The following PTPRJ variants were observed in gnomAD, a reference collection of about 807,000 sequenced individuals.
PTPRJ encodes protein tyrosine phosphatase receptor type J, also known as receptor-type tyrosine-protein phosphatase eta.
PTPRJ carries 129 observed loss-of-function variants against 141.3 expected under a neutral mutation model. The observed-to-expected ratio is 0.91, with a 90% CI of 0.79 to 1.06. The LOEUF is 1.06. Ranked by LOEUF, PTPRJ falls within the 50% of genes least tolerant of loss-of-function variation. The probability of loss-of-function intolerance (pLI) is 0.00; values close to 1 mark genes in which losing one functional copy is unlikely to be tolerated. For synonymous variants in PTPRJ, 610 were observed against 640.5 expected (o/e 0.95, Z 0.72); for missense variants, 1,601 against 1,679.7 (o/e 0.95, Z 0.82).
intron 1 of PTPRJ, among the ~76,000 whole-genome samples, chr11:48,092,588 C>T (rs1855900191): frequency 6.6e-6 from 1 of 151,946 alleles, no homozygotes. Context: ...CGCTACCACA[C>T]CTGGCTAATT....
intron 1 of PTPRJ, among the ~76,000 whole-genome samples, chr11:48,052,354 C>T (rs1347985389): frequency 1.3e-5 from 2 of 152,216 alleles, no homozygotes; most frequent in Non-Finnish European, 1.5e-5. Flanking sequence ...GCCTCTCCCT[C>T]GTTAATCAAG....
At chr11:47,986,318 T>A (rs1440129273) in intron 1 of PTPRJ, among the ~76,000 whole-genome samples, 4 of 152,158 alleles carry the variant, frequency 2.6e-5, no homozygotes, top group African/African-American at 4.8e-5. Context: ...ACTCAGCAAG[T>A]CACTTAACCT....
chr11:48,088,240 C>T (rs983636552), intron 1 of PTPRJ, among the ~76,000 whole-genome samples: 2 of 152,166 alleles, frequency 1.3e-5, no homozygotes, highest in African/African-American at 4.8e-5. Flanking sequence ...TCCTTTACAA[C>T]GTTTTCTTCT....
intron 3 of PTPRJ, 60 bp downstream of exon 3, chr11:48,113,043 T>C (rs1405766892): frequency 7.2e-7 from 1 of 1,392,574 alleles, no homozygotes; most frequent in Non-Finnish European, 9.9e-7. Context: ...AATTTATAAA[T>C]GTCATGTTTT....
intron 24 of PTPRJ, among the ~76,000 whole-genome samples, chr11:48,164,785 C>T (rs1364650775): frequency 7.3e-5 from 11 of 151,654 alleles, no homozygotes; most frequent in African/African-American, 1.5e-4. Context: ...AGGCTGGTCT[C>T]GAACTCCTGA....
At chr11:48,134,475 C>A (rs1446264190) in intron 8 of PTPRJ, among the ~76,000 whole-genome samples, 2 of 152,082 alleles carry the variant, frequency 1.3e-5, no homozygotes, top group African/African-American at 4.8e-5. Context: ...CATCAGGAAT[C>A]TGCTGGTAGG....
intron 1 of PTPRJ, among the ~76,000 whole-genome samples, chr11:48,072,385 C>T (rs897782574): frequency 2.0e-5 from 3 of 152,112 alleles, no homozygotes; most frequent in African/African-American, 7.2e-5. Context: ...CCAACCCCAC[C>T]CATGAGGGTG....
chr11:47,983,308 C>G (rs1034398513), intron 1 of PTPRJ, among the ~76,000 whole-genome samples: 22 of 152,074 alleles, frequency 1.4e-4, no homozygotes, highest in African/African-American at 5.1e-4. Flanking sequence ...TGAGATATTT[C>G]TGAAGTTTGT....
In PTPRJ at chr11:48,143,037, C is replaced by T; in HGVS notation, c.2562C>T (p.Leu854=). The part of the protein sequence containing the change: ...HGPIKAYAVI[L]TTGEAGHPSA... ...CCATCAAAGCCTATGCTGTCATTCT[C>T]ACCACCGGGGAAGGTAAGGAGAGGC... Residue 854 remains leucine (L), a synonymous_variant, in exon 12 of 25, where the codon CTC becomes CTT. Coordinates refer to ENST00000418331, the MANE Select transcript of PTPRJ (RefSeq NM_002843.4). 1 of 1,614,106 alleles carries T rather than the reference C, an allele frequency of 6.2e-7. No individual in the cohort carries two copies. Among genetic ancestry groups the T allele is most frequent in the Non-Finnish European group, 8.5e-7 (1 of 1,179,986 alleles).
chr11:48,090,951 G>A (rs560162829), intron 1 of PTPRJ, among the ~76,000 whole-genome samples: 1 of 152,286 alleles, frequency 6.6e-6, no homozygotes, highest in South Asian at 2.1e-4. Flanking sequence ...CCACTCCAAA[G>A]GATGAGTATG....
Position 48,112,907 on chromosome 11 carries a change from C to T in PTPRJ, c.276C>T (p.Ala92=). The T allele has an allele frequency of 1.2e-6, 2 of 1,614,104 alleles. No individual in the cohort carries two copies. The highest frequency in any genetic ancestry group is 1.7e-6 in the Non-Finnish European group (2 of 1,180,016). Residue 92 remains alanine, a synonymous_variant, in exon 3 of 25, where the codon GCC becomes GCT. Coordinates refer to ENST00000418331, the MANE Select transcript of PTPRJ (RefSeq NM_002843.4). ...NTSEDGESSG[A]NDSLRTPEQG... is the part of the protein sequence containing the mutation. ...GTGAGGATGGTGAAAGCTCTGGAGC[C>T]AACGATAGTTTAAGAACACCTGAAC...
At position 48,168,399 on chromosome 11, in the gene PTPRJ, T is replaced by C. The variant is rs888533909; in HGVS notation, c.*1037T>C. The C allele has an allele frequency of 2.6e-5, 4 of 151,284 alleles. No homozygotes were observed. Among genetic ancestry groups the C allele is most frequent in the Non-Finnish European group, 5.9e-5 (4 of 67,808 alleles). The allele number at this position is 151,284 out of a possible 1,614,324, so 9.4% of individuals were successfully genotyped here. A position where few individuals can be genotyped will look rare whatever the true frequency, so the allele number is the denominator to read the frequency against. On this transcript the variant is annotated 3_prime_UTR_variant, in exon 25 of 25. Coordinates refer to ENST00000418331, the MANE Select transcript of PTPRJ (RefSeq NM_002843.4). ...GGCATTTTATGTGTCTGTGTCTGTA[T>C]GTGTGTGTGTATGTTCAGAAGCGTG...
At chr11:48,089,515 C>CAAAAAAAAAAA (rs56252336) in intron 1 of PTPRJ, among the ~76,000 whole-genome samples, 2 of 116,640 alleles carry the variant, frequency 1.7e-5, no homozygotes, top group Admixed American at 8.8e-5. Flanking sequence ...GACTCCATCT[C>CAAAAAAAAAAA]AAAAAAAAAA....
At chr11:48,164,892 A>G (rs1383377174) in intron 24 of PTPRJ, among the ~76,000 whole-genome samples, 1 of 152,076 alleles carries the variant, frequency 6.6e-6, no homozygotes, top group African/African-American at 2.4e-5. Flanking sequence ...AAAAGGTTGC[A>G]TTGTGTCATG....
chr11:47,985,804 G>A (rs1006523371), intron 1 of PTPRJ, among the ~76,000 whole-genome samples: 18 of 152,060 alleles, frequency 1.2e-4, no homozygotes, highest in Admixed American at 2.6e-4. Context: ...GGGTTCAAGC[G>A]ATTCTCCTGC....
At position 48,153,866 on chromosome 11, in the gene PTPRJ, G is replaced by A. The variant is rs1857541795; in HGVS notation, c.3209G>A (p.Arg1070His). The A allele has an allele frequency of 2.5e-6, 4 of 1,612,470 alleles. No homozygotes were observed. The highest frequency in any genetic ancestry group is 3.4e-6 in the Non-Finnish European group (4 of 1,178,600). Reference protein sequence around the residue: ...AELAENRGKNRYNNVLPYDIS... With the variant: ...AELAENRGKNHYNNVLPYDIS... ...CTGGCTGAGAATAGAGGAAAGAATC[G>A]CTATAATAATGTTCTGCCCTGTAAG... The change falls in exon 19 of 25, where the codon CGC (arginine) becomes CAC (histidine). Residue 1070 changes from arginine (R) to histidine (H), a missense_variant. Coordinates refer to ENST00000418331, the MANE Select transcript of PTPRJ (RefSeq NM_002843.4).
In PTPRJ at chr11:48,132,373, A is replaced by AT. The variant is rs1264216316; in HGVS notation, c.1615+1666dup. On this transcript the variant is annotated intron_variant, in intron 8 of 24. Transcript: ENST00000418331. ...CTGGGAGACCCTGTCTCAAAAAAAA[A>AT]TTTTTTTTTATAGAAACAGTTTAAA... 5.4e-5 allele frequency: 52 copies of AT among 966,582 alleles called. No homozygotes were observed. In the Middle Eastern group the frequency reaches 2.1e-3, roughly 40 times the overall value. 59.9% of individuals were successfully genotyped at this position (966,582 alleles called of 1,614,324 possible). A position where few individuals can be genotyped will look rare whatever the true frequency, so the allele number is the denominator to read the frequency against.
At chr11:48,142,782 A>T in intron 11 of PTPRJ, 137 bp from the exon 12 acceptor site, 5 of 1,086,820 alleles carry the variant, frequency 4.6e-6, no homozygotes, top group Non-Finnish European at 6.4e-6. Context: ...TTGCTTCTGG[A>T]TTTGCTGTTT....
intron 10 of PTPRJ, among the ~76,000 whole-genome samples, chr11:48,138,161 G>C (rs145763924): frequency 2.2e-3 from 328 of 152,304 alleles, no homozygotes; most frequent in African/African-American, 7.3e-3. Context: ...AGCCTCCCTG[G>C]TAGTATAGGA....
Sources: gnomAD v4.1 joint callset for allele counts (sites outside exome capture counted in the v4.1 genomes callset) on GRCh38, gnomAD v4.1.1 for gene constraint, MANE v1.5 for transcripts, NCBI Gene and HGNC (gene_info 2026-07-23, HGNC 2026-07-21) for gene names.